The following SAMD4A variants were observed in gnomAD, a reference collection of about 807,000 sequenced individuals.
SAMD4A encodes the protein protein Smaug homolog 1.
A neutral mutation model predicts 81.3 loss-of-function variants in SAMD4A; 33 were observed. That is an observed-to-expected ratio of 0.41 (90% CI 0.31 to 0.54). SAMD4A has a LOEUF of 0.54. SAMD4A is among the 20% of genes least tolerant of loss of function. The probability of loss-of-function intolerance (pLI) is 0.37; values close to 1 mark genes in which losing one functional copy is unlikely to be tolerated. For synonymous variants in SAMD4A, 389 were observed against 382.1 expected, an observed-to-expected ratio of 1.02 and a Z score of -0.21; for missense variants, 854 against 951.1, an observed-to-expected ratio of 0.90 and a Z score of 1.34.
At chr14:54,657,639 C>T (rs2035549293) in intron 2 of SAMD4A, among the ~76,000 whole-genome samples, 1 of 152,228 alleles carries the variant, frequency 6.6e-6, no homozygotes, top group Non-Finnish European at 1.5e-5. Flanking sequence ...GCATGGACAT[C>T]TCTCTGGTCT....
At chr14:54,784,676 A>G (rs1424199169) in intron 12 of SAMD4A, 56 bp downstream of exon 12, 3 of 1,467,944 alleles carry the variant, frequency 2.0e-6, no homozygotes, top group Admixed American at 1.7e-5. Flanking sequence ...GCCTGGGAGA[A>G]CTGGCCATCT....
intron 4 of SAMD4A, among the ~76,000 whole-genome samples, chr14:54,738,007 A>G (rs2037743900): frequency 6.6e-6 from 1 of 152,232 alleles, no homozygotes; most frequent in South Asian, 2.1e-4. Flanking sequence ...TATGATAGGT[A>G]CAAAGAGGAT....
intron 2 of SAMD4A, among the ~76,000 whole-genome samples, chr14:54,622,316 T>C (rs566522671): frequency 1.3e-5 from 2 of 152,300 alleles, no homozygotes; most frequent in African/African-American, 2.4e-5. Flanking sequence ...AAAACTCTTC[T>C]CAGATAACCA....
At chr14:54,723,454 A>G (rs1280318394) in intron 3 of SAMD4A, among the ~76,000 whole-genome samples, 1 of 152,214 alleles carries the variant, frequency 6.6e-6, no homozygotes, top group African/African-American at 2.4e-5. Flanking sequence ...ACTTTCATAT[A>G]GATCCCCTGA....
intron 2 of SAMD4A, among the ~76,000 whole-genome samples, chr14:54,590,032 T>A (rs1594701837): frequency 6.6e-6 from 1 of 152,374 alleles, no homozygotes; most frequent in Non-Finnish European, 1.5e-5. Context: ...GAGGGTGCTG[T>A]CGATTTTGTT....
At chr14:54,678,297 A>C (rs912634951) in intron 2 of SAMD4A, among the ~76,000 whole-genome samples, 8 of 152,160 alleles carry the variant, frequency 5.3e-5, no homozygotes, top group Admixed American at 4.6e-4. Flanking sequence ...CCTTTCCTCC[A>C]GGTACAGGGA....
intron 4 of SAMD4A, 25 bp downstream of exon 4, chr14:54,737,312 T>C (rs2037720580): frequency 1.2e-6 from 2 of 1,612,352 alleles, no homozygotes; most frequent in Non-Finnish European, 1.7e-6. Context: ...GAGAAACCAC[T>C]GGGGAAAGAG....
intron 12 of SAMD4A, 44 bp downstream of exon 12, chr14:54,784,664 G>T: frequency 6.4e-7 from 1 of 1,555,098 alleles, no homozygotes; most frequent in Non-Finnish European, 8.9e-7. Context: ...CTGTTACCGT[G>T]TGCCTGGGAG....
intron 2 of SAMD4A, among the ~76,000 whole-genome samples, chr14:54,634,587 T>G (rs1172651045): frequency 6.6e-6 from 1 of 152,062 alleles, no homozygotes; most frequent in Admixed American, 6.6e-5. Flanking sequence ...CATGCTGCTT[T>G]GACAGGAGGC....
chr14:54,730,616 G>C (rs763897967), intron 3 of SAMD4A, among the ~76,000 whole-genome samples: 1 of 152,200 alleles, frequency 6.6e-6, no homozygotes, highest in Non-Finnish European at 1.5e-5. Flanking sequence ...GCAGAGTTGA[G>C]GCTTTTAACC....
chr14:54,733,125 A>G (rs931306458), intron 3 of SAMD4A, among the ~76,000 whole-genome samples: 4 of 152,214 alleles, frequency 2.6e-5, no homozygotes, highest in African/African-American at 9.6e-5. Flanking sequence ...ACTGGTCCTG[A>G]TAGTATGACC....
chr14:54,791,941 A>G lies in SAMD4A; in HGVS notation c.*2997A>G, dbSNP rs1295588219. The G allele has an allele frequency of 6.6e-6, 1 of 152,174 alleles. No homozygotes were observed. Among genetic ancestry groups the G allele is most frequent in the Admixed American group, 6.5e-5 (1 of 15,284 alleles). 9.4% of individuals were successfully genotyped at this position (152,174 alleles called of 1,614,324 possible). On this transcript the variant is annotated 3_prime_UTR_variant, in exon 13 of 13. Coordinates refer to ENST00000554335, the MANE Select transcript of SAMD4A (RefSeq NM_015589.6). Reference sequence around the variant, plus strand: ...ATTTTAAAATCTCAGAGTAAAATCTATTTCACTACATGCTTTTCCCCCCTT... The same window carrying G: ...ATTTTAAAATCTCAGAGTAAAATCTGTTTCACTACATGCTTTTCCCCCCTT...
intron 2 of SAMD4A, among the ~76,000 whole-genome samples, chr14:54,588,531 A>T (rs534160111): frequency 7.9e-5 from 12 of 152,244 alleles, no homozygotes; most frequent in African/African-American, 2.9e-4. Context: ...AATGCTAACC[A>T]TGACATCCTT....
intron 2 of SAMD4A, among the ~76,000 whole-genome samples, chr14:54,579,615 ACTCTCC>A: frequency 6.6e-6 from 1 of 152,048 alleles, no homozygotes; most frequent in Non-Finnish European, 1.5e-5. Flanking sequence ...TGACATTTTA[ACTCTCC>A]ATAGCTTGGT....
intron 2 of SAMD4A, among the ~76,000 whole-genome samples, chr14:54,654,839 C>G (rs1336612281): frequency 6.6e-6 from 1 of 152,240 alleles, no homozygotes; most frequent in South Asian, 2.1e-4. Context: ...ATCCCTGCCC[C>G]TGTTTCCAGG....
intron 2 of SAMD4A, among the ~76,000 whole-genome samples, chr14:54,621,600 T>A (rs747329479): frequency 6.7e-6 from 1 of 150,128 alleles, no homozygotes; most frequent in East Asian, 2.0e-4. Context: ...GGGCTCAAGC[T>A]ATCCACCCGC....
chr14:54,606,213 G>GTGTGCA (rs1555335555), intron 2 of SAMD4A, among the ~76,000 whole-genome samples: 9 of 144,524 alleles, frequency 6.2e-5, no homozygotes, highest in Non-Finnish European at 1.3e-4. Flanking sequence ...GTGTGTGTGT[G>GTGTGCA]CGTGCACGTG....
At chr14:54,788,791 G>A in intron 12 of SAMD4A, 125 bp from the exon 13 acceptor site, 1 of 1,132,654 alleles carries the variant, frequency 8.8e-7, no homozygotes. Flanking sequence ...GTGAACACAT[G>A]AACGTAGGTG....
chr14:54,736,503 T>C (rs2037696123), intron 3 of SAMD4A, among the ~76,000 whole-genome samples: 1 of 152,178 alleles, frequency 6.6e-6, no homozygotes, highest in African/African-American at 2.4e-5. Context: ...TGAATCCTGG[T>C]TGGAAAGATT....
Sources: allele counts gnomAD v4.1 joint callset (sites outside exome capture counted in the v4.1 genomes callset), GRCh38; gene constraint gnomAD v4.1.1; transcripts MANE v1.5; gene names NCBI Gene and HGNC (gene_info 2026-07-23, HGNC 2026-07-21).